Variants in RIMBP2 observed in about 807,000 individuals in gnomAD.
RIMBP2 encodes the protein RIMS-binding protein 2.
Under a neutral mutation model 118.6 loss-of-function variants are expected in RIMBP2, and 48 were observed. The ratio of observed to expected loss-of-function variants is 0.40; its 90% CI spans 0.32 to 0.51. RIMBP2 has a LOEUF of 0.51. Ranked by LOEUF, RIMBP2 falls within the 20% of genes least tolerant of loss-of-function variation. RIMBP2 has a pLI of 0.41. For synonymous variants in RIMBP2, 762 were observed against 742.9 expected (o/e 1.03, Z -0.42); for missense variants, 1,551 against 1,768.3 (o/e 0.88, Z 2.20).
At chr12:130,532,615 A>G (rs1231813996) in intron 2 of RIMBP2, among the ~76,000 whole-genome samples, 32 of 112,510 alleles carry the variant, frequency 2.8e-4, no homozygotes, top group African/African-American at 4.8e-4. Context: ...TGAGATGCGT[A>G]TGCTTAGCCT....
At position 130,523,761 on chromosome 12, in the gene RIMBP2, C is replaced by T. The variant is rs1221940368; in HGVS notation, c.-216-5844G>A. Among the ~76,000 whole-genome samples the T allele has an allele frequency of 1.3e-5, 2 of 152,226 alleles. No individual in the cohort carries two copies. Among genetic ancestry groups the T allele is most frequent in the Admixed American group, 1.3e-4 (2 of 15,276 alleles). On this transcript the variant is annotated intron_variant, in intron 2 of 22. Coordinates refer to ENST00000690449, the MANE Select transcript of RIMBP2 (RefSeq NM_001393629.1). This position sits in a 1 kb window ranked among gnomAD's most constrained non-coding sequence, Gnocchi z 4.4. ...GTGAGTGGGTGAGGAGCACCCTCTG[C>T]CCCCAGCCTTGTGGGTGCAGCAGAC...
At chr12:130,614,105 C>A (rs1339638607) in intron 2 of RIMBP2, among the ~76,000 whole-genome samples, 1 of 152,192 alleles carries the variant, frequency 6.6e-6, no homozygotes, top group South Asian at 2.1e-4. Context: ...AACAGGCTGG[C>A]CTACACTTTA....
chr12:130,488,427 G>A (rs1018578059), intron 4 of RIMBP2, among the ~76,000 whole-genome samples: 3 of 151,988 alleles, frequency 2.0e-5, no homozygotes, highest in African/African-American at 4.8e-5. Context: ...TCAGGGGGTG[G>A]TGGGGGCCGT....
intron 5 of RIMBP2, among the ~76,000 whole-genome samples, chr12:130,474,154 G>A (rs1593436261): frequency 6.6e-6 from 1 of 152,292 alleles, no homozygotes; most frequent in Admixed American, 6.5e-5. Flanking sequence ...GGAAGCCTCA[G>A]GGTTTCAGAA....
chr12:130,551,548 A>AT (rs2055785749), intron 2 of RIMBP2, among the ~76,000 whole-genome samples: 1 of 108,560 alleles, frequency 9.2e-6, no homozygotes, highest in Non-Finnish European at 2.2e-5. Context: ...CTGTTCTTAG[A>AT]TTTCTTTTTT....
intron 1 of RIMBP2, among the ~76,000 whole-genome samples, chr12:130,708,151 G>C (rs1258467515): frequency 1.3e-5 from 2 of 152,176 alleles, no homozygotes. Context: ...ACCATGTGTA[G>C]TATGATTCTG....
In RIMBP2 at chr12:130,496,670, C is replaced by T. The variant is rs146511383; in HGVS notation, c.-4+9978G>A. On this transcript the variant is annotated intron_variant, in intron 4 of 22. Coordinates refer to ENST00000690449, the MANE Select transcript of RIMBP2 (RefSeq NM_001393629.1). ...CAGCAGCTATGGCGCTGGGCAGGCC[C>T]GCTCCCCAGAAAGTGACCACATGAT... 5.3e-3 allele frequency among the ~76,000 whole-genome samples: 804 copies of T among 152,192 alleles called. 9 individuals are homozygous for T. The highest frequency in any genetic ancestry group is 0.019 in the African/African-American group (775 of 41,526).
At chr12:130,653,224 A>G (rs901138602) in intron 1 of RIMBP2, among the ~76,000 whole-genome samples, 1 of 152,208 alleles carries the variant, frequency 6.6e-6, no homozygotes, top group African/African-American at 2.4e-5. Flanking sequence ...AGCCTGTAAA[A>G]TCACGTCGTT....
At chr12:130,653,009 T>A (rs1442535143) in intron 1 of RIMBP2, among the ~76,000 whole-genome samples, 1 of 152,204 alleles carries the variant, frequency 6.6e-6, no homozygotes, top group Non-Finnish European at 1.5e-5. Flanking sequence ...CATTTTGACA[T>A]GAGATTTGGA....
At chr12:130,624,747 C>T (rs947056317) in intron 2 of RIMBP2, among the ~76,000 whole-genome samples, 2 of 152,142 alleles carry the variant, frequency 1.3e-5, no homozygotes, top group Non-Finnish European at 2.9e-5. Flanking sequence ...TTCTTTGAGA[C>T]GGAGTCTTGC....
chr12:130,443,506 G>T (rs1330456864), intron 10 of RIMBP2, among the ~76,000 whole-genome samples: 1 of 152,188 alleles, frequency 6.6e-6, no homozygotes, highest in Non-Finnish European at 1.5e-5. Flanking sequence ...ACAGAGAGGG[G>T]CTGGGAAATG....
chr12:130,551,716 GA>G (rs1290101765), intron 2 of RIMBP2, among the ~76,000 whole-genome samples: 1 of 152,144 alleles, frequency 6.6e-6, no homozygotes, highest in Non-Finnish European at 1.5e-5. Context: ...GGAACCCAAG[GA>G]AAGAGAAGGG....
chr12:130,714,863 C>T (rs1950216357), intron 1 of RIMBP2, among the ~76,000 whole-genome samples: 1 of 152,160 alleles, frequency 6.6e-6, no homozygotes, highest in Non-Finnish European at 1.5e-5. Context: ...GAAGCTGATT[C>T]CCGGACAGCC....
At chr12:130,519,475 T>A (rs1453475922) in intron 2 of RIMBP2, among the ~76,000 whole-genome samples, 1 of 152,220 alleles carries the variant, frequency 6.6e-6, no homozygotes, top group Non-Finnish European at 1.5e-5. Context: ...GCAATTCCCT[T>A]CTGTCTTCTG....
At chr12:130,409,623 G>A (rs562613998) in intron 19 of RIMBP2, among the ~76,000 whole-genome samples, 1 of 152,080 alleles carries the variant, frequency 6.6e-6, no homozygotes, top group African/African-American at 2.4e-5. Context: ...GATTACAGGC[G>A]TGAGCCACTG....
chr12:130,547,564 C>T (rs1379667274), intron 2 of RIMBP2, among the ~76,000 whole-genome samples: 1 of 152,208 alleles, frequency 6.6e-6, no homozygotes, highest in Non-Finnish European at 1.5e-5. Flanking sequence ...TCATAAAACC[C>T]CAAAGCAGCA....
chr12:130,537,928 C>T (rs1021265731), intron 2 of RIMBP2, among the ~76,000 whole-genome samples: 2 of 152,206 alleles, frequency 1.3e-5, no homozygotes, highest in African/African-American at 2.4e-5. Flanking sequence ...AGCACACTTG[C>T]TCTTGCTGTC....
chr12:130,525,047 T>C lies in RIMBP2; in HGVS notation c.-216-7130A>G, dbSNP rs369343564. The stretch of plus-strand genomic sequence containing the variant: ...AAGGAGAGCCTGACCCAGACCCAGA[T>C]GTGAAAGTTGCACTGATACCGACAC... On this transcript the variant is annotated intron_variant, in intron 2 of 22. Coordinates refer to ENST00000690449, the MANE Select transcript of RIMBP2 (RefSeq NM_001393629.1). The surrounding 1 kb of genome is among the most constrained non-coding windows in gnomAD (Gnocchi z 4.4). Among the ~76,000 whole-genome samples the C allele has an allele frequency of 1.1e-4, 16 of 152,104 alleles. No individual in the cohort carries two copies. Among genetic ancestry groups the C allele is most frequent in the South Asian group, 6.2e-4 (3 of 4,820 alleles).
In RIMBP2 at chr12:130,431,494, G is replaced by A. The variant is rs60823772; in HGVS notation, c.2254-3157C>T. 3.1e-3 allele frequency: 1,072 copies of A among 349,274 alleles called. 13 individuals are homozygous for A. Among genetic ancestry groups the A allele is most frequent in the African/African-American group, 0.02 (979 of 48,056 alleles). The allele number at this position is 349,274 out of a possible 1,614,324, so 21.6% of individuals were successfully genotyped here. A position where few individuals can be genotyped will look rare whatever the true frequency, so the allele number is the denominator to read the frequency against. On this transcript the variant is annotated intron_variant, in intron 14 of 22. Coordinates refer to ENST00000690449, the MANE Select transcript of RIMBP2 (RefSeq NM_001393629.1). The surrounding 1 kb of genome is among the most constrained non-coding windows in gnomAD (Gnocchi z 4.0). ...TCTTTGAATTGAATCAATATTTAAC[G>A]TTACTTTTAAAGAAAATATCTCAAC... is the stretch of plus-strand genomic sequence containing the variant.
Sources: gnomAD v4.1 joint callset for allele counts (sites outside exome capture counted in the v4.1 genomes callset) on GRCh38, gnomAD v4.1.1 for gene constraint, Gnocchi (gnomAD v3.1) non-coding constraint, MANE v1.5 for transcripts, NCBI Gene and HGNC (gene_info 2026-07-23, HGNC 2026-07-21) for gene names.